The following BARD1 variants were observed in gnomAD, a reference collection of about 807,000 sequenced individuals.
The protein encoded by BARD1 is BRCA1 associated RING domain 1.
Under a neutral mutation model 77.0 loss-of-function variants are expected in BARD1, and 73 were observed. That is an observed-to-expected ratio of 0.95 (90% CI 0.79 to 1.15). BARD1 has a LOEUF of 1.15. BARD1 is among the 50% of genes most tolerant of loss of function. The probability of loss-of-function intolerance (pLI) is 0.00; values close to 1 mark genes in which losing one functional copy is unlikely to be tolerated. For missense variants in BARD1, 993 were observed against 938.8 expected (o/e 1.06, Z -0.75); for synonymous variants, 384 against 338.0 (o/e 1.14, Z -1.49).
intron 7 of BARD1, among the ~76,000 whole-genome samples, chr2:214,748,787 C>T (rs1388787456): frequency 6.6e-6 from 1 of 151,886 alleles, no homozygotes; most frequent in Non-Finnish European, 1.5e-5. Flanking sequence ...TTAAAGGGTT[C>T]CCAATGACGC....
chr2:214,735,212 T>A (rs10755028), intron 9 of BARD1, among the ~76,000 whole-genome samples: 123,382 of 152,088 alleles, frequency 0.81, 50,199 homozygotes, highest in East Asian at 1. Context: ...GAGCTTAGAC[T>A]CACAAAACAG....
Position 214,727,873 on chromosome 2 carries a change from G to A in BARD1, c.*803C>T, listed in dbSNP as rs1692147155. The A allele has an allele frequency of 4.6e-6, 1 of 219,542 alleles. No homozygotes were observed. Among genetic ancestry groups the A allele is most frequent in the Non-Finnish European group, 9.1e-6 (1 of 109,644 alleles). 13.6% of individuals were successfully genotyped at this position (219,542 alleles called of 1,614,324 possible). A position where few individuals can be genotyped will look rare whatever the true frequency, so the allele number is the denominator to read the frequency against. On this transcript the variant is annotated 3_prime_UTR_variant, in exon 11 of 11. Transcript: ENST00000260947. The stretch of plus-strand genomic sequence containing the variant: ...AGTAATGACGTTGGACTGACAATTT[G>A]CTAGACTGGTCAGACCTTTTAAAAA...
At chr2:214,795,221 A>T (rs1384440497) in intron 2 of BARD1, among the ~76,000 whole-genome samples, 1 of 152,168 alleles carries the variant, frequency 6.6e-6, no homozygotes, top group Non-Finnish European at 1.5e-5. Context: ...ATTTCAGCTG[A>T]TATATAACTG....
At chr2:214,802,492 C>T (rs138574430) in intron 1 of BARD1, among the ~76,000 whole-genome samples, 1 of 152,132 alleles carries the variant, frequency 6.6e-6, no homozygotes, top group Non-Finnish European at 1.5e-5. Flanking sequence ...TCAGGAGCAT[C>T]TGTATTTTAA....
Position 214,729,002 on chromosome 2 carries a change from T to C in BARD1, c.2008A>G (p.Lys670Glu), listed in dbSNP as rs775039040. The C allele has an allele frequency of 9.3e-6, 15 of 1,613,986 alleles. No individual in the cohort carries two copies. In the Middle Eastern group the frequency reaches 5.0e-4, roughly 53 times the overall value. ...TAGAAGTAGCATCCATCAAACAGCT[T>C]TGGCAACTGAAATAATGAGAAAACA... Reference protein sequence around the residue: ...SRLNREQLLPKLFDGCYFYLW... With the variant: ...SRLNREQLLPELFDGCYFYLW... The change falls in exon 11 of 11, where the codon AAG (lysine) becomes GAG (glutamate). Residue 670 changes from lysine to glutamate, a missense_variant. Physicochemically the swap from Lys to Glu is moderately conservative, Grantham distance 56 (BLOSUM62 1). Transcript: ENST00000260947.
intron 1 of BARD1, among the ~76,000 whole-genome samples, chr2:214,803,382 T>G (rs924610737): frequency 6.6e-6 from 1 of 152,162 alleles, no homozygotes; most frequent in Non-Finnish European, 1.5e-5. Context: ...GGCATCTGTC[T>G]CCTGCCCGTC....
In BARD1 at chr2:214,806,810, G is replaced by A. The variant is rs192642501; in HGVS notation, c.158+2602C>T. ...AATTGCTTGAACCCGGGGGAAGGAG[G>A]TTGCAGTGAGCTGAAATCATGCCAC... On this transcript the variant is annotated intron_variant, in intron 1 of 10. Coordinates refer to ENST00000260947, the MANE Select transcript of BARD1 (RefSeq NM_000465.4). Among the ~76,000 whole-genome samples the A allele has an allele frequency of 5.4e-3, 798 of 149,114 alleles. 26 individuals carry two copies. The highest frequency in any genetic ancestry group is 0.049 in the Admixed American group (731 of 14,878).
At chr2:214,757,657 T>C (rs1037161734) in intron 6 of BARD1, among the ~76,000 whole-genome samples, 3 of 152,160 alleles carry the variant, frequency 2.0e-5, no homozygotes, top group Admixed American at 6.5e-5. Context: ...ACAAACTCTG[T>C]TTTGCAATTA....
intron 6 of BARD1, among the ~76,000 whole-genome samples, chr2:214,755,807 T>C (rs1331205366): frequency 6.6e-6 from 1 of 152,158 alleles, no homozygotes; most frequent in Non-Finnish European, 1.5e-5. Context: ...AAAGCGTATG[T>C]TGCTGTGAAA....
chr2:214,751,151 A>ATT (rs60746999), intron 7 of BARD1, among the ~76,000 whole-genome samples: 5 of 37,188 alleles, frequency 1.3e-4, no homozygotes, highest in East Asian at 6.6e-4. Flanking sequence ...ATATATATAT[A>ATT]TTTTTTTTTT....
chr2:214,748,361 A>C (rs1419180607), intron 7 of BARD1, among the ~76,000 whole-genome samples: 1 of 152,148 alleles, frequency 6.6e-6, no homozygotes, highest in Non-Finnish European at 1.5e-5. Flanking sequence ...GAGGCTCAAA[A>C]GAGGTACAAA....
At chr2:214,803,246 C>G (rs1019443100) in intron 1 of BARD1, among the ~76,000 whole-genome samples, 3 of 151,958 alleles carry the variant, frequency 2.0e-5, no homozygotes, top group African/African-American at 7.3e-5. Flanking sequence ...ATGTGATAGT[C>G]TGAAATATGG....
chr2:214,772,798 A>G lies in BARD1; in HGVS notation c.1315-3486T>C, dbSNP rs869312495. Among the ~76,000 whole-genome samples, 41 of 152,188 alleles carry G rather than the reference A, an allele frequency of 2.7e-4. No individual in the cohort carries two copies. The highest frequency in any genetic ancestry group is 4.4e-5 in the Non-Finnish European group (3 of 68,026). ...TGTCATGCGCATAAATAAAATTATGATAATTAGATAGAGTCTACAGTAACT... is the reference window on the plus strand; with the variant it reads ...TGTCATGCGCATAAATAAAATTATGGTAATTAGATAGAGTCTACAGTAACT... On this transcript the variant is annotated intron_variant, in intron 4 of 10. Transcript: ENST00000260947.
intron 1 of BARD1, among the ~76,000 whole-genome samples, chr2:214,802,371 T>C (rs899719853): frequency 6.6e-6 from 1 of 152,224 alleles, no homozygotes; most frequent in African/African-American, 2.4e-5. Context: ...ATGTTTAAGG[T>C]AGGCTGGGCT....
chr2:214,797,010 A>G (rs750744350), intron 2 of BARD1, 51 bp downstream of exon 2: 3 of 1,348,042 alleles, frequency 2.2e-6, no homozygotes, highest in South Asian at 1.2e-5. Context: ...CATGATTGTT[A>G]TCTAGTAAAA....
intron 8 of BARD1, 57 bp from the exon 9 acceptor site, chr2:214,745,216 G>C: frequency 6.9e-7 from 1 of 1,459,086 alleles, no homozygotes; most frequent in Non-Finnish European, 9.6e-7. Flanking sequence ...GTATTTCTTT[G>C]GCCTGCTTCT....
In BARD1 at chr2:214,751,135, ATATATATATATATATAT is replaced by A. The variant is rs1559393013; in HGVS notation, c.1677+1295_1677+1311del. Among the ~76,000 whole-genome samples the A allele has an allele frequency of 4.3e-3, 73 of 16,878 alleles. 7 individuals carry two copies. Among genetic ancestry groups the A allele is most frequent in the Middle Eastern group, 0.056 (1 of 18 alleles). 11.1% of individuals were successfully genotyped at this position (16,878 alleles called of 152,430 possible). A position where few individuals can be genotyped will look rare whatever the true frequency, so the allele number is the denominator to read the frequency against. ...TGTGTGTGTATATATATATATATAT[ATATATATATATATATAT>A]TTTTTTTTTTTTTTTTTTTTTTTTT... is the stretch of plus-strand genomic sequence containing the variant. On this transcript the variant is annotated intron_variant, in intron 7 of 10. Transcript: ENST00000260947.
At chr2:214,778,212 C>A (rs544356834) in intron 4 of BARD1, among the ~76,000 whole-genome samples, 1 of 129,514 alleles carries the variant, frequency 7.7e-6, no homozygotes, top group East Asian at 2.7e-4. Flanking sequence ...CTCCCCCCAC[C>A]CCCAAAAAAG....
chr2:214,744,899 G>A (rs1693025979), intron 9 of BARD1, among the ~76,000 whole-genome samples, 168 bp downstream of exon 9: 2 of 152,112 alleles, frequency 1.3e-5, no homozygotes, highest in Admixed American at 6.5e-5. Context: ...CCAAAGTGCT[G>A]GGATTACAGG....
Sources: allele counts gnomAD v4.1 joint callset (sites outside exome capture counted in the v4.1 genomes callset), GRCh38; gene constraint gnomAD v4.1.1; transcripts MANE v1.5; gene names NCBI Gene and HGNC (gene_info 2026-07-23, HGNC 2026-07-21).